PDXDC1: variants seen among roughly 807,000 people sequenced by gnomAD.
PDXDC1 encodes pyridoxal-dependent decarboxylase domain-containing protein 1.
PDXDC1 carries 42 observed loss-of-function variants against 100.1 expected under a neutral mutation model. The ratio of observed to expected loss-of-function variants is 0.42; its 90% confidence interval spans 0.33 to 0.54. The LOEUF is 0.54. PDXDC1 is among the 20% of genes least tolerant of loss of function. The probability of loss-of-function intolerance (pLI) is 0.10; values close to 1 mark genes in which losing one functional copy is unlikely to be tolerated. For missense variants in PDXDC1, 636 were observed against 979.2 expected (o/e 0.65, Z 4.68); for synonymous variants, 260 against 371.7 (o/e 0.70, Z 3.46).
At chr16:15,020,111 C>CAAAAAAAAAAAAAA (rs56353637) in intron 12 of PDXDC1, among the ~76,000 whole-genome samples, 1 of 90,618 alleles carries the variant, frequency 1.1e-5, no homozygotes, top group Non-Finnish European at 1.9e-5. Flanking sequence ...GGCTCCGTCT[C>CAAAAAAAAAAAAAA]AAAAAAAAAA....
chr16:14,991,304 T>C (rs1311808794), intron 1 of PDXDC1, among the ~76,000 whole-genome samples: 1 of 145,976 alleles, frequency 6.9e-6, no homozygotes. Flanking sequence ...TGTGTGTGTG[T>C]GTATTTGTTG....
intron 16 of PDXDC1, chr16:15,133,503 C>A: frequency 1.1e-6 from 1 of 871,468 alleles, no homozygotes; most frequent in South Asian, 1.4e-5. Context: ...TTGAGGGCGA[C>A]CACAGCGGCT....
At chr16:15,073,186 C>T in intron 16 of PDXDC1, 1 of 1,315,662 alleles carries the variant, frequency 7.6e-7, no homozygotes, top group African/African-American at 1.5e-5. Context: ...CATTATCCAG[C>T]CAAGCACAGT....
At chr16:15,071,044 T>C (rs2045203176) in intron 16 of PDXDC1, 1 of 1,284,846 alleles carries the variant, frequency 7.8e-7, no homozygotes, top group African/African-American at 1.5e-5. Flanking sequence ...AAATGGGAGA[T>C]ATTTCTGACT....
At position 15,125,703 on chromosome 16, in the gene PDXDC1, G is replaced by A. The variant is rs1018361636; in HGVS notation, c.1400-13176G>A. On this transcript the variant is annotated intron_variant, in intron 16 of 16. Transcript: ENST00000535621. Reference sequence around the variant, plus strand: ...GTAGAGCCCTCACCTCAGCGTGGAGGCCTGAGAACGTGAGGAAGGAGCTGT... The same window carrying A: ...GTAGAGCCCTCACCTCAGCGTGGAGACCTGAGAACGTGAGGAAGGAGCTGT... 8.9e-6 allele frequency: 12 copies of A among 1,349,484 alleles called. No individual in the cohort carries two copies. In the African/African-American group the frequency reaches 1.6e-4, roughly 18 times the overall value. The allele number at this position is 1,349,484 out of a possible 1,614,324, so 83.6% of individuals were successfully genotyped here. A position where few individuals can be genotyped will look rare whatever the true frequency, so the allele number is the denominator to read the frequency against.
chr16:15,096,049 G>A (rs2046345355), intron 16 of PDXDC1, among the ~76,000 whole-genome samples: 1 of 152,040 alleles, frequency 6.6e-6, no homozygotes, highest in Admixed American at 6.6e-5. Flanking sequence ...CTGCACTCCA[G>A]CCTGGACAAC....
chr16:15,089,979 C>T (rs1421690042), intron 16 of PDXDC1, among the ~76,000 whole-genome samples: 1 of 151,600 alleles, frequency 6.6e-6, no homozygotes, highest in African/African-American at 2.4e-5. Flanking sequence ...GAGGCCAAGG[C>T]GGGCAGGTCA....
intron 14 of PDXDC1, among the ~76,000 whole-genome samples, 178 bp from the exon 15 acceptor site, chr16:15,028,700 C>A (rs1567707171): frequency 3.9e-5 from 6 of 152,412 alleles, no homozygotes. Context: ...TCAAGTGTTA[C>A]ATAGATCACG....
At chr16:15,128,507 G>A (rs537327964) in intron 16 of PDXDC1, 19 of 669,070 alleles carry the variant, frequency 2.8e-5, no homozygotes, top group African/African-American at 1.9e-4. Context: ...AGGCAGTCCC[G>A]GCTTTGCACG....
intron 16 of PDXDC1, among the ~76,000 whole-genome samples, chr16:15,101,190 C>A (rs1348905581): frequency 2.6e-5 from 4 of 152,104 alleles, no homozygotes. Context: ...GCAGGTTCTC[C>A]GTAAATGACA....
chr16:15,104,355 T>C (rs2046683941), intron 16 of PDXDC1: 10 of 1,597,774 alleles, frequency 6.3e-6, no homozygotes, highest in Non-Finnish European at 6.8e-6. Flanking sequence ...CGTTAGTTTC[T>C]TCAGATTATC....
intron 16 of PDXDC1, chr16:15,047,499 T>G (rs2044123092): frequency 6.2e-7 from 1 of 1,614,100 alleles, no homozygotes; most frequent in Non-Finnish European, 8.5e-7. Context: ...CAAGGGGACC[T>G]CAGCTTTGGT....
intron 21 of PDXDC1, 33 bp downstream of exon 21, chr16:15,034,586 T>A: frequency 6.6e-7 from 1 of 1,519,498 alleles, no homozygotes; most frequent in Non-Finnish European, 9.1e-7. Context: ...CAGGTCTTGC[T>A]GACCTTGGGA....
chr16:15,010,426 G>A (rs1054350047), intron 8 of PDXDC1: 3 of 154,718 alleles, frequency 1.9e-5, no homozygotes, highest in African/African-American at 4.8e-5. Flanking sequence ...CAAGCAAGAT[G>A]TTGGCTTAAG....
intron 16 of PDXDC1, chr16:15,125,648 C>T (rs754111116): frequency 3.2e-6 from 4 of 1,250,128 alleles, no homozygotes; most frequent in Admixed American, 1.7e-5. Flanking sequence ...GCCAAGGCGG[C>T]AGGACCCCCA....
chr16:15,017,742 G>C (rs2041898044), intron 11 of PDXDC1, among the ~76,000 whole-genome samples: 1 of 152,152 alleles, frequency 6.6e-6, no homozygotes, highest in Non-Finnish European at 1.5e-5. Context: ...TGGAATGACT[G>C]AGTGGGGGAG....
At chr16:15,088,822 C>A (rs1388567113) in intron 16 of PDXDC1, among the ~76,000 whole-genome samples, 1 of 151,990 alleles carries the variant, frequency 6.6e-6, no homozygotes, top group African/African-American at 2.4e-5. Context: ...CCATGGGGGG[C>A]CTTGTAAACC....
chr16:15,093,072 T>C (rs532267675), intron 16 of PDXDC1, among the ~76,000 whole-genome samples: 3 of 152,276 alleles, frequency 2.0e-5, no homozygotes, highest in African/African-American at 7.2e-5. Context: ...GGTGTGATCT[T>C]GGCTTAACTG....
chr16:14,979,832 T>C (rs1357669761), intron 1 of PDXDC1, among the ~76,000 whole-genome samples: 1 of 152,302 alleles, frequency 6.6e-6, no homozygotes, highest in Non-Finnish European at 1.5e-5. Context: ...TCCGAGAATT[T>C]CTATTCCTGC....
Sources: gnomAD v4.1 joint callset for allele counts (sites outside exome capture counted in the v4.1 genomes callset) on GRCh38, gnomAD v4.1.1 for gene constraint, MANE v1.5 for transcripts, NCBI Gene and HGNC (gene_info 2026-07-23, HGNC 2026-07-21) for gene names.